XRCC4: variants seen among roughly 807,000 people sequenced by gnomAD.
The protein encoded by XRCC4 is DNA repair protein XRCC4.
In XRCC4, 28 loss-of-function variants were observed where a neutral mutation model predicts 39.1. The observed-to-expected ratio is 0.72, with a 90% CI of 0.53 to 0.98. XRCC4 has a LOEUF of 0.98. Among genes scored for constraint, XRCC4 ranks in the 50% least tolerant of loss-of-function variants. The pLI, the probability that XRCC4 is intolerant of heterozygous loss-of-function variation, is 0.00. For synonymous variants in XRCC4, 123 were observed against 126.4 expected (o/e 0.97, Z 0.18); for missense variants, 350 against 376.4 (o/e 0.93, Z 0.58).
intron 6 of XRCC4, among the ~76,000 whole-genome samples, chr5:83,249,930 T>C (rs1229442564): frequency 6.6e-6 from 1 of 152,158 alleles, no homozygotes; most frequent in Non-Finnish European, 1.5e-5. Flanking sequence ...TTTTGTCTAA[T>C]TTTTAAATTT....
intron 7 of XRCC4, among the ~76,000 whole-genome samples, chr5:83,299,878 A>C (rs1755216501): frequency 6.6e-6 from 1 of 152,044 alleles, no homozygotes; most frequent in Admixed American, 6.6e-5. Context: ...CTTCACCACC[A>C]ACTTTTGTTG....
intron 3 of XRCC4, among the ~76,000 whole-genome samples, chr5:83,114,710 C>A (rs892590510): frequency 6.6e-6 from 1 of 152,206 alleles, no homozygotes; most frequent in African/African-American, 2.4e-5. Flanking sequence ...ATTTTCCTGT[C>A]TTCTTTTGAG....
At chr5:83,196,482 CTT>C (rs1268631133) in intron 4 of XRCC4, among the ~76,000 whole-genome samples, 5 of 151,796 alleles carry the variant, frequency 3.3e-5, no homozygotes, top group African/African-American at 1.2e-4. Context: ...GGCTTTGCCT[CTT>C]TTTAAATGAG....
At chr5:83,268,771 AAGAGTATTTGCCC>A (rs1754039683) in intron 7 of XRCC4, among the ~76,000 whole-genome samples, 1 of 152,150 alleles carries the variant, frequency 6.6e-6, no homozygotes, top group South Asian at 2.1e-4. Flanking sequence ...GCTGATTTTA[AAGAGTATTTGCCC>A]TAGGACCATG....
At chr5:83,357,419 T>C (rs1173771783), downstream of XRCC4, among the ~76,000 whole-genome samples, 3 of 151,968 alleles carry the variant, frequency 2.0e-5, no homozygotes, top group South Asian at 4.1e-4. Flanking sequence ...TAAGAATCCA[T>C]AAAAGATTCA....
chr5:83,321,214 G>A (rs111461164), intron 7 of XRCC4, among the ~76,000 whole-genome samples: 1 of 152,128 alleles, frequency 6.6e-6, no homozygotes, highest in Non-Finnish European at 1.5e-5. Context: ...ACTTTATTGA[G>A]ATTTTGACTT....
chr5:83,193,120 TG>T (rs1390870550), intron 3 of XRCC4, among the ~76,000 whole-genome samples: 1 of 152,176 alleles, frequency 6.6e-6, no homozygotes, highest in Non-Finnish European at 1.5e-5. Context: ...TTAAGCCTGA[TG>T]AGGCCCTTTT....
chr5:83,087,935 G>T (rs1445411599), intron 1 of XRCC4, among the ~76,000 whole-genome samples: 6 of 152,016 alleles, frequency 3.9e-5, no homozygotes, highest in African/African-American at 1.5e-4. Context: ...TATTTATGCA[G>T]GCAGAATTGA....
chr5:83,248,594 C>T lies in XRCC4; in HGVS notation c.746-9936C>T, dbSNP rs112347182. Among the ~76,000 whole-genome samples, 902 of 152,206 alleles carry T rather than the reference C, an allele frequency of 5.9e-3. 12 individuals carry two copies. The highest frequency in any genetic ancestry group is 0.021 in the African/African-American group (866 of 41,536). On this transcript the variant is annotated intron_variant, in intron 6 of 7. Transcript: ENST00000396027. ...TGACCTGAACACATTACTGAGACAG[C>T]ATGCTCATAATAAGGAGTTCACACA...
chr5:83,178,568 T>G (rs1750065604), intron 3 of XRCC4, among the ~76,000 whole-genome samples: 2 of 152,166 alleles, frequency 1.3e-5, no homozygotes, highest in Non-Finnish European at 2.9e-5. Context: ...GTGACATGTC[T>G]GTTGGTTTTG....
chr5:83,110,944 A>T, intron 2 of XRCC4, 84 bp from the exon 3 acceptor site: 2 of 1,265,538 alleles, frequency 1.6e-6, no homozygotes, highest in Non-Finnish European at 2.2e-6. Context: ...CATGTGATAA[A>T]TTAGTACTAA....
chr5:83,263,979 G>A (rs931476162), intron 7 of XRCC4, among the ~76,000 whole-genome samples: 1 of 151,874 alleles, frequency 6.6e-6, no homozygotes, highest in Admixed American at 6.6e-5. Flanking sequence ...ATGGTTTTAG[G>A]TCTAACGTTC....
chr5:83,150,236 A>T (rs1310979633), intron 3 of XRCC4, among the ~76,000 whole-genome samples: 2 of 152,124 alleles, frequency 1.3e-5, no homozygotes, highest in African/African-American at 4.8e-5. Context: ...TTACAATGAG[A>T]TTTTTGAGAA....
chr5:83,338,786 A>C (rs1173012186), intron 7 of XRCC4, among the ~76,000 whole-genome samples: 1 of 152,206 alleles, frequency 6.6e-6, no homozygotes, highest in Non-Finnish European at 1.5e-5. Context: ...AAATGTATAT[A>C]GTGTGTTCAG....
At chr5:83,186,247 T>C (rs1750433174) in intron 3 of XRCC4, among the ~76,000 whole-genome samples, 1 of 152,178 alleles carries the variant, frequency 6.6e-6, no homozygotes, top group Non-Finnish European at 1.5e-5. Flanking sequence ...AAAAGTAATA[T>C]TGAGCAGAGA....
chr5:83,130,139 C>G (rs1290897319), intron 3 of XRCC4, among the ~76,000 whole-genome samples: 1 of 152,098 alleles, frequency 6.6e-6, no homozygotes, highest in Non-Finnish European at 1.5e-5. Context: ...TGAGATACGT[C>G]CCATCAATAC....
intron 6 of XRCC4, among the ~76,000 whole-genome samples, chr5:83,221,052 A>G (rs1216163191): frequency 6.6e-6 from 1 of 152,134 alleles, no homozygotes; most frequent in East Asian, 1.9e-4. Flanking sequence ...TATCACTTGC[A>G]TAACTTCTAG....
chr5:83,147,883 C>T (rs1748534489), intron 3 of XRCC4, among the ~76,000 whole-genome samples: 1 of 151,832 alleles, frequency 6.6e-6, no homozygotes, highest in African/African-American at 2.4e-5. Context: ...CTCTGCCTCC[C>T]AGGTTCAAGT....
chr5:83,106,003 A>G (rs1031356241), intron 2 of XRCC4, among the ~76,000 whole-genome samples: 1 of 152,178 alleles, frequency 6.6e-6, no homozygotes, highest in Non-Finnish European at 1.5e-5. Context: ...AGAGTTTCAA[A>G]AAAATTGTCT....
Sources: gnomAD v4.1 joint callset for allele counts (sites outside exome capture counted in the v4.1 genomes callset) on GRCh38, gnomAD v4.1.1 for gene constraint, MANE v1.5 for transcripts, NCBI Gene and HGNC (gene_info 2026-07-23, HGNC 2026-07-21) for gene names.